The following EML5 variants were observed in gnomAD, a reference collection of about 807,000 sequenced individuals.
EML5 encodes EMAP like 5, also known as echinoderm microtubule-associated protein-like 5.
Under a neutral mutation model 250.0 loss-of-function variants are expected in EML5, and 120 were observed. The ratio of observed to expected loss-of-function variants is 0.48; its 90% CI spans 0.41 to 0.56. EML5 has a LOEUF of 0.56. EML5 is among the 20% of genes least tolerant of loss of function. EML5 has a pLI of 0.00. For synonymous variants in EML5, 771 were observed against 806.5 expected (o/e 0.96, Z 0.75); for missense variants, 2,006 against 2,437.6 (o/e 0.82, Z 3.73).
At chr14:88,773,597 A>C (rs113343100) in intron 1 of EML5, among the ~76,000 whole-genome samples, 25 of 152,334 alleles carry the variant, frequency 1.6e-4, no homozygotes, top group African/African-American at 6.0e-4. Context: ...TATTACAATC[A>C]TTTGGGAAGC....
chr14:88,764,340 GT>G lies in EML5; in HGVS notation c.198-9670del, dbSNP rs988418331. Among the ~76,000 whole-genome samples, 59 of 152,236 alleles carry G rather than the reference GT, an allele frequency of 3.9e-4. 1 individual carries two copies. Among genetic ancestry groups the G allele is most frequent in the African/African-American group, 1.3e-3 (56 of 41,546 alleles). ...GAATTGGAATCATTTATTCTTGTAAGTTTGGTAGTTTATATCTTTTGAGGGA... is the reference window on the plus strand; with the variant it reads ...GAATTGGAATCATTTATTCTTGTAAGTTGGTAGTTTATATCTTTTGAGGGA... On this transcript the variant is annotated intron_variant, in intron 1 of 43. Coordinates refer to ENST00000554922, the MANE Select transcript of EML5 (RefSeq NM_183387.3).
chr14:88,698,345 G>A (rs1003805374), intron 14 of EML5, among the ~76,000 whole-genome samples: 1 of 145,600 alleles, frequency 6.9e-6, no homozygotes, highest in African/African-American at 2.6e-5. Flanking sequence ...GGCTCACTGC[G>A]ACCTCCGCCT....
intron 1 of EML5, among the ~76,000 whole-genome samples, chr14:88,778,562 C>T (rs751416893): frequency 2.6e-5 from 4 of 152,144 alleles, no homozygotes; most frequent in Admixed American, 6.5e-5. Flanking sequence ...GGGTGGATCA[C>T]GAGGTCAGGA....
At chr14:88,627,568 G>A in intron 34 of EML5, 78 bp downstream of exon 34, 1 of 1,419,400 alleles carries the variant, frequency 7.0e-7, no homozygotes, top group Admixed American at 2.4e-5. Flanking sequence ...CCAACTTTAA[G>A]ACAAATATTA....
chr14:88,679,892 T>C (rs1283924835), intron 21 of EML5, among the ~76,000 whole-genome samples: 4 of 152,142 alleles, frequency 2.6e-5, no homozygotes, highest in Non-Finnish European at 5.9e-5. Flanking sequence ...TAGTATAGTG[T>C]AGCGTATAGT....
At chr14:88,767,722 A>C (rs1409021381) in intron 1 of EML5, among the ~76,000 whole-genome samples, 1 of 152,116 alleles carries the variant, frequency 6.6e-6, no homozygotes, top group African/African-American at 2.4e-5. Context: ...ATTTTGGACT[A>C]ATTTGAGACT....
chr14:88,687,778 AAAC>A lies in EML5; in HGVS notation c.2743-454_2743-452del, dbSNP rs563045097. ...TTTAAAAAAAAACAAAAAAAACACA[AAAC>A]AACAACAGCAGACCTGGCTGGCACC... On this transcript the variant is annotated intron_variant, in intron 18 of 43. Transcript: ENST00000554922. Among the ~76,000 whole-genome samples the A allele has an allele frequency of 2.5e-4, 38 of 152,316 alleles. No individual in the cohort carries two copies. In the South Asian group the frequency reaches 7.9e-3, roughly 32 times the overall value.
At chr14:88,660,195 A>G (rs1222365357) in intron 25 of EML5, among the ~76,000 whole-genome samples, 1 of 151,292 alleles carries the variant, frequency 6.6e-6, no homozygotes, top group Admixed American at 6.6e-5. Context: ...AGGTGGGAGG[A>G]TAACTTGGGT....
intron 36 of EML5, 89 bp downstream of exon 36, chr14:88,624,881 T>C: frequency 6.8e-7 from 1 of 1,460,538 alleles, no homozygotes; most frequent in Non-Finnish European, 9.3e-7. Flanking sequence ...GGACACTCTG[T>C]GTAGCCTAGA....
chr14:88,652,675 C>T (rs1202597650), intron 27 of EML5, among the ~76,000 whole-genome samples: 1 of 152,156 alleles, frequency 6.6e-6, no homozygotes, highest in Admixed American at 6.6e-5. Context: ...GTTCTCACCT[C>T]CCACTCCCTC....
At position 88,675,647 on chromosome 14, in the gene EML5, C is replaced by T. The variant is rs1425080994; in HGVS notation, c.3124+6243G>A. 2.6e-5 allele frequency among the ~76,000 whole-genome samples: 4 copies of T among 152,336 alleles called. No individual in the cohort carries two copies. In the East Asian group the frequency reaches 7.7e-4, roughly 29 times the overall value. On this transcript the variant is annotated intron_variant, in intron 21 of 43. Coordinates refer to ENST00000554922, the MANE Select transcript of EML5 (RefSeq NM_183387.3). ...TGTTTTGGGAATTAACATTCAGCTC[C>T]TCATTATTTATGCAAACTTCTGCAG...
rs745461177 is a variant in EML5 at position 88,754,581 on chromosome 14, C to G, written c.288G>C (p.Gln96His). ...YICIWDSYTV[Q>H]TISVLKDVHT... ...GAACATCCTTTAAAACTGATATGGT[C>G]TGCACAGTGTATGAATCCCAAATAC... The change falls in exon 2 of 44, where the codon CAG (glutamine) becomes CAC (histidine). Residue 96 changes from glutamine (Q) to histidine (H), a missense_variant. Coordinates refer to ENST00000554922, the MANE Select transcript of EML5 (RefSeq NM_183387.3). 3 of 1,613,570 alleles carry G rather than the reference C, an allele frequency of 1.9e-6. No individual in the cohort carries two copies. Among genetic ancestry groups the G allele is most frequent in the African/African-American group, 1.3e-5 (1 of 74,912 alleles).
At chr14:88,705,185 A>G (rs1483945984) in intron 12 of EML5, among the ~76,000 whole-genome samples, 6 of 152,190 alleles carry the variant, frequency 3.9e-5, no homozygotes, top group Non-Finnish European at 7.3e-5. Context: ...ATAGATACAT[A>G]GTGTTCCAGG....
intron 1 of EML5, among the ~76,000 whole-genome samples, chr14:88,767,387 A>T (rs1004417447): frequency 1.6e-4 from 25 of 151,972 alleles, no homozygotes; most frequent in Admixed American, 5.2e-4. Flanking sequence ...TGAGCTCCGT[A>T]CCCCCTACAA....
intron 21 of EML5, among the ~76,000 whole-genome samples, chr14:88,672,352 G>C (rs1439849103): frequency 6.6e-6 from 1 of 152,050 alleles, no homozygotes; most frequent in Admixed American, 6.6e-5. Context: ...AAACCAATAA[G>C]AACATGGAGA....
intron 32 of EML5, among the ~76,000 whole-genome samples, chr14:88,636,983 C>G (rs1364989948): frequency 1.3e-5 from 2 of 152,156 alleles, no homozygotes; most frequent in Non-Finnish European, 1.5e-5. Flanking sequence ...TTGAATGTAA[C>G]TGGCTAAAAT....
chr14:88,674,627 C>A (rs2092552874), intron 21 of EML5, among the ~76,000 whole-genome samples: 1 of 152,170 alleles, frequency 6.6e-6, no homozygotes. Context: ...ATCATTCTGA[C>A]CCTGGCACTT....
intron 1 of EML5, among the ~76,000 whole-genome samples, chr14:88,775,002 T>C (rs1271371290): frequency 6.6e-6 from 1 of 152,174 alleles, no homozygotes; most frequent in African/African-American, 2.4e-5. Context: ...GACATTTTTA[T>C]TCCCTGGGAC....
At chr14:88,678,519 T>C (rs952405259) in intron 21 of EML5, among the ~76,000 whole-genome samples, 7 of 152,258 alleles carry the variant, frequency 4.6e-5, no homozygotes, top group Admixed American at 4.6e-4. Flanking sequence ...CTGAACCTCC[T>C]AGACAAAACT....
Sources: gnomAD v4.1 joint callset for allele counts (sites outside exome capture counted in the v4.1 genomes callset) on GRCh38, gnomAD v4.1.1 for gene constraint, MANE v1.5 for transcripts, NCBI Gene and HGNC (gene_info 2026-07-23, HGNC 2026-07-21) for gene names.